MAPKAP1: variants seen among roughly 807,000 people sequenced by gnomAD.
MAPKAP1 encodes the protein MAPK associated protein 1.
MAPKAP1 carries 20 observed loss-of-function variants against 65.7 expected under a neutral mutation model. The ratio of observed to expected loss-of-function variants is 0.30; its 90% CI spans 0.21 to 0.44. The LOEUF (loss-of-function observed/expected upper bound fraction) is 0.44. Among genes scored for constraint, MAPKAP1 ranks in the 20% least tolerant of loss-of-function variants. The pLI, the probability that MAPKAP1 is intolerant of heterozygous loss-of-function variation, is 1.00. For synonymous variants in MAPKAP1, 222 were observed against 244.3 expected (o/e 0.91, Z 0.85); for missense variants, 423 against 648.0 (o/e 0.65, Z 3.77).
At chr9:125,497,181 T>C (rs952426658) in intron 8 of MAPKAP1, among the ~76,000 whole-genome samples, 8 of 152,188 alleles carry the variant, frequency 5.3e-5, no homozygotes, top group African/African-American at 1.9e-4. Flanking sequence ...TTCCTTCCCA[T>C]AGTCCACCCT....
At chr9:125,560,979 C>G (rs1830876240) in intron 5 of MAPKAP1, among the ~76,000 whole-genome samples, 1 of 152,228 alleles carries the variant, frequency 6.6e-6, no homozygotes, top group African/African-American at 2.4e-5. Flanking sequence ...TTGCTCCAAA[C>G]CGCAAACCTG....
At chr9:125,575,106 C>T (rs1399022801) in intron 5 of MAPKAP1, among the ~76,000 whole-genome samples, 1 of 152,210 alleles carries the variant, frequency 6.6e-6, no homozygotes, top group Non-Finnish European at 1.5e-5. Context: ...GATTCTAGTA[C>T]TTTGGGAGAC....
intron 4 of MAPKAP1, among the ~76,000 whole-genome samples, chr9:125,628,831 T>C (rs1833186584): frequency 6.6e-6 from 1 of 151,852 alleles, no homozygotes; most frequent in African/African-American, 2.4e-5. Flanking sequence ...TCAGGGGTCA[T>C]GTATCTAACC....
chr9:125,692,930 G>A (rs1373249742), intron 1 of MAPKAP1, among the ~76,000 whole-genome samples: 1 of 152,150 alleles, frequency 6.6e-6, no homozygotes, highest in African/African-American at 2.4e-5. Flanking sequence ...TTCGTGACCT[G>A]TGTAAAGGTA....
At chr9:125,444,948 AAACT>A (rs887028468) in intron 10 of MAPKAP1, among the ~76,000 whole-genome samples, 5 of 152,250 alleles carry the variant, frequency 3.3e-5, no homozygotes, top group African/African-American at 9.6e-5. Context: ...CTCTAAAAAT[AAACT>A]AACTGTTTAA....
chr9:125,442,342 A>G (rs1852519617), intron 11 of MAPKAP1, among the ~76,000 whole-genome samples: 1 of 152,112 alleles, frequency 6.6e-6, no homozygotes, highest in African/African-American at 2.4e-5. Context: ...TTTGCAGAGA[A>G]GCATCTGCTT....
At chr9:125,646,981 C>T (rs1401448873) in intron 4 of MAPKAP1, among the ~76,000 whole-genome samples, 1 of 152,224 alleles carries the variant, frequency 6.6e-6, no homozygotes, top group Non-Finnish European at 1.5e-5. Flanking sequence ...AAGACAGCGC[C>T]TTATACAAAC....
rs550746537 is a variant in MAPKAP1, at chr9:125,465,659, C to T, written c.1345+2313G>A. On this transcript the variant is annotated intron_variant, in intron 10 of 11. Coordinates refer to ENST00000265960, the MANE Select transcript of MAPKAP1 (RefSeq NM_001006617.3). The stretch of plus-strand genomic sequence containing the variant: ...TCAGTGAGGACAACTCTGCAGGCTC[C>T]GTGCTAGGGAGTGAGGACACGGAAG... Among the ~76,000 whole-genome samples the T allele has an allele frequency of 2.6e-5, 4 of 152,282 alleles. No homozygotes were observed. The East Asian group carries it at 5.8e-4, about 22-fold the overall frequency.
chr9:125,699,193 AG>A (rs1185834783), intron 1 of MAPKAP1, among the ~76,000 whole-genome samples: 1 of 152,100 alleles, frequency 6.6e-6, no homozygotes, highest in Non-Finnish European at 1.5e-5. Flanking sequence ...CATAGCCTGA[AG>A]GTAATTTTAT....
chr9:125,693,478 CAT>C (rs996552031), intron 1 of MAPKAP1, among the ~76,000 whole-genome samples: 13 of 149,534 alleles, frequency 8.7e-5, no homozygotes, highest in Non-Finnish European at 1.5e-4. Context: ...TATACACACA[CAT>C]ATACACATAT....
At chr9:125,583,945 C>T (rs1831701236) in intron 5 of MAPKAP1, among the ~76,000 whole-genome samples, 1 of 152,124 alleles carries the variant, frequency 6.6e-6, no homozygotes, top group Non-Finnish European at 1.5e-5. Context: ...TGCCTGTAGT[C>T]CCAGCTACTC....
intron 6 of MAPKAP1, among the ~76,000 whole-genome samples, chr9:125,547,184 G>A (rs564495735): frequency 1.6e-4 from 24 of 152,292 alleles, no homozygotes; most frequent in Middle Eastern, 6.8e-3. Context: ...TTGTATGCCA[G>A]CACGAACCCA....
chr9:125,670,659 T>C (rs1834470785), intron 2 of MAPKAP1, among the ~76,000 whole-genome samples: 1 of 152,210 alleles, frequency 6.6e-6, no homozygotes, highest in South Asian at 2.1e-4. Flanking sequence ...AATTATGCAT[T>C]TGTGATTATA....
chr9:125,536,585 T>TACTCATTCATTCATTC (rs1554818637), intron 7 of MAPKAP1, among the ~76,000 whole-genome samples: 2 of 151,612 alleles, frequency 1.3e-5, no homozygotes, highest in Admixed American at 1.3e-4. Context: ...ATTTTCCATT[T>TACTCATTCATTCATTC]ATTCATTCAT....
At chr9:125,703,109 C>T (rs1275200988) in intron 1 of MAPKAP1, among the ~76,000 whole-genome samples, 2 of 152,144 alleles carry the variant, frequency 1.3e-5, no homozygotes, top group Non-Finnish European at 2.9e-5. Context: ...GACACTGGGC[C>T]CACTTCCTCA....
At chr9:125,664,495 C>T (rs1834281181) in intron 3 of MAPKAP1, among the ~76,000 whole-genome samples, 1 of 150,040 alleles carries the variant, frequency 6.7e-6, no homozygotes, top group Admixed American at 6.6e-5. Flanking sequence ...GAGGCCGAGG[C>T]GAGAAGATCA....
At chr9:125,698,319 AT>A (rs1835486158) in intron 1 of MAPKAP1, among the ~76,000 whole-genome samples, 11 of 107,752 alleles carry the variant, frequency 1.0e-4, no homozygotes, top group Non-Finnish European at 1.2e-4. Flanking sequence ...ATATATATAT[AT>A]ATATATATAT....
At chr9:125,642,474 G>GC (rs1015799574) in intron 4 of MAPKAP1, among the ~76,000 whole-genome samples, 3 of 152,134 alleles carry the variant, frequency 2.0e-5, no homozygotes, top group African/African-American at 7.2e-5. Flanking sequence ...CCAATATGGA[G>GC]CTGGATTTGA....
At chr9:125,674,747 T>C (rs192724334) in intron 1 of MAPKAP1, among the ~76,000 whole-genome samples, 32 of 152,332 alleles carry the variant, frequency 2.1e-4, no homozygotes, top group African/African-American at 7.5e-4. Context: ...ACATTAATCT[T>C]CACTTTTTTC....
Sources: gnomAD v4.1 joint callset for allele counts (sites outside exome capture counted in the v4.1 genomes callset) on GRCh38, gnomAD v4.1.1 for gene constraint, MANE v1.5 for transcripts, NCBI Gene and HGNC (gene_info 2026-07-23, HGNC 2026-07-21) for gene names.